NRG1: variants seen among roughly 807,000 people sequenced by gnomAD.
The protein encoded by NRG1 is neuregulin 1.
Under a neutral mutation model 63.8 loss-of-function variants are expected in NRG1, and 18 were observed. The ratio of observed to expected loss-of-function variants is 0.28; its 90% CI spans 0.19 to 0.42. The LOEUF (loss-of-function observed/expected upper bound fraction) is 0.42. Ranked by LOEUF, NRG1 falls within the 10% of genes least tolerant of loss-of-function variation. The pLI is 1.00. For missense variants in NRG1, 762 were observed against 814.7 expected (o/e 0.94, Z 0.79); for synonymous variants, 302 against 301.3 (o/e 1.00, Z -0.02).
chr8:32,233,360 C>G (rs948614865), intron 1 of NRG1, among the ~76,000 whole-genome samples: 1 of 151,860 alleles, frequency 6.6e-6, no homozygotes, highest in Admixed American at 6.6e-5. Flanking sequence ...AATCCTCCCA[C>G]CTCCTCCTCC....
chr8:31,911,369 TGTG>T (rs1832930454), intron 1 of NRG1, among the ~76,000 whole-genome samples: 1 of 152,118 alleles, frequency 6.6e-6, no homozygotes, highest in Non-Finnish European at 1.5e-5. Flanking sequence ...ATAAAGAAAA[TGTG>T]GTACATATAC....
chr8:32,750,239 A>G (rs956338284), intron 7 of NRG1, among the ~76,000 whole-genome samples: 4 of 152,216 alleles, frequency 2.6e-5, no homozygotes, highest in South Asian at 2.1e-4. Flanking sequence ...TTCCAGTGGT[A>G]ATGGAATTAA....
intron 1 of NRG1, among the ~76,000 whole-genome samples, chr8:31,869,545 G>T (rs16878394): frequency 0.074 from 11,195 of 152,198 alleles, 1,321 homozygotes; most frequent in African/African-American, 0.25. Context: ...TCAAGGAAAG[G>T]CTTTGTTATC....
intron 1 of NRG1, among the ~76,000 whole-genome samples, chr8:32,488,513 C>T (rs928956828): frequency 2.6e-5 from 4 of 152,162 alleles, no homozygotes. Flanking sequence ...CAGTGGCTCA[C>T]ATCTGTAATC....
At chr8:32,611,699 T>A (rs1003971503) in intron 3 of NRG1, among the ~76,000 whole-genome samples, 2 of 152,094 alleles carry the variant, frequency 1.3e-5, no homozygotes, top group African/African-American at 2.4e-5. Context: ...TGTCCACTTT[T>A]AAATCTTTTA....
intron 1 of NRG1, among the ~76,000 whole-genome samples, chr8:31,911,085 C>T (rs150211386): frequency 7.2e-5 from 11 of 152,122 alleles, no homozygotes; most frequent in African/African-American, 2.2e-4. Flanking sequence ...AAGTGCAGCA[C>T]GTGAGCCCCA....
intron 1 of NRG1, among the ~76,000 whole-genome samples, chr8:32,133,901 T>G (rs748483012): frequency 3.3e-5 from 5 of 152,180 alleles, no homozygotes; most frequent in Non-Finnish European, 5.9e-5. Context: ...TGAAAATACT[T>G]TTATGGGCCA....
At chr8:32,436,582 C>G (rs1388807086) in intron 1 of NRG1, among the ~76,000 whole-genome samples, 1 of 152,172 alleles carries the variant, frequency 6.6e-6, no homozygotes, top group Admixed American at 6.6e-5. Context: ...CTAAATTAAG[C>G]ATGAGTCCCA....
intron 1 of NRG1, among the ~76,000 whole-genome samples, chr8:32,361,868 C>T (rs1435055383): frequency 6.6e-6 from 1 of 152,186 alleles, no homozygotes; most frequent in Non-Finnish European, 1.5e-5. Flanking sequence ...CTTTGCTCTC[C>T]ATGCCTGCTT....
chr8:32,730,322 A>G (rs994654713), intron 6 of NRG1, among the ~76,000 whole-genome samples: 4 of 152,078 alleles, frequency 2.6e-5, no homozygotes, highest in African/African-American at 9.7e-5. Flanking sequence ...GCATGGTGGC[A>G]TGCACCTGTA....
At chr8:32,646,282 A>G (rs908736559) in intron 5 of NRG1, among the ~76,000 whole-genome samples, 4 of 151,936 alleles carry the variant, frequency 2.6e-5, no homozygotes, top group Non-Finnish European at 2.9e-5. Context: ...CCTGGGCATG[A>G]CAAACAAAGT....
intron 1 of NRG1, among the ~76,000 whole-genome samples, chr8:31,802,053 A>T (rs190734845): frequency 1.3e-5 from 2 of 152,334 alleles, no homozygotes; most frequent in East Asian, 3.9e-4. Context: ...GGTATTAAAC[A>T]GTGTCAATTA....
At chr8:31,834,835 G>A (rs1825546303) in intron 1 of NRG1, among the ~76,000 whole-genome samples, 1 of 152,128 alleles carries the variant, frequency 6.6e-6, no homozygotes, top group South Asian at 2.1e-4. Flanking sequence ...CTTTTATCTT[G>A]CTCCTTCTCA....
At chr8:31,992,209 CAAGA>C (rs1384311321) in intron 1 of NRG1, among the ~76,000 whole-genome samples, 1 of 151,512 alleles carries the variant, frequency 6.6e-6, no homozygotes, top group African/African-American at 2.4e-5. Context: ...CTATTTAAAA[CAAGA>C]AAGAAAGAAA....
At chr8:32,003,720 T>C (rs972872448) in intron 1 of NRG1, among the ~76,000 whole-genome samples, 13 of 151,842 alleles carry the variant, frequency 8.6e-5, no homozygotes, top group African/African-American at 3.1e-4. Flanking sequence ...TCATAAATGG[T>C]TAACAAAATA....
chr8:32,558,578 C>G (rs944129601), intron 1 of NRG1, among the ~76,000 whole-genome samples: 1 of 152,086 alleles, frequency 6.6e-6, no homozygotes, highest in African/African-American at 2.4e-5. Context: ...TTGGGAGAGC[C>G]GCAAAGTGGC....
chr8:32,227,475 T>G (rs80061170), intron 1 of NRG1, among the ~76,000 whole-genome samples: 1 of 152,196 alleles, frequency 6.6e-6, no homozygotes, highest in Admixed American at 6.6e-5. Flanking sequence ...GTCCTATTTT[T>G]GGAAGGTCTA....
At chr8:31,878,975 G>A (rs1354204606) in intron 1 of NRG1, among the ~76,000 whole-genome samples, 5 of 152,028 alleles carry the variant, frequency 3.3e-5, no homozygotes, top group East Asian at 1.9e-4. Context: ...ACTCCAGCCT[G>A]GGCGACAGAG....
chr8:32,456,431 T>C (rs1229560251), intron 1 of NRG1, among the ~76,000 whole-genome samples: 3 of 152,200 alleles, frequency 2.0e-5, no homozygotes, highest in Non-Finnish European at 2.9e-5. Flanking sequence ...GGTCCACCTA[T>C]ACACGGATTT....
Sources: gnomAD v4.1 joint callset for allele counts (sites outside exome capture counted in the v4.1 genomes callset) on GRCh38, gnomAD v4.1.1 for gene constraint, MANE v1.5 for transcripts, NCBI Gene and HGNC (gene_info 2026-07-23, HGNC 2026-07-21) for gene names.